Variants in SLC60A1 observed in about 807,000 individuals in gnomAD.
The protein encoded by SLC60A1 is major facilitator superfamily domain containing 4.
chr1:205,599,016 G>C, the SLC60A1 span: 5 of 1,344,962 alleles, frequency 3.7e-6, no homozygotes, highest in Non-Finnish European at 3.1e-6. Context: ...CTCTTGGTGT[G>C]ACGGGCCTCA....
chr1:205,592,350 G>A, the SLC60A1 span: 2 of 1,479,812 alleles, frequency 1.4e-6, no homozygotes, highest in Non-Finnish European at 1.8e-6. Context: ...GCCTCGCTCT[G>A]CCCTGTCTCT....
chr1:205,585,960 C>T, the SLC60A1 span: 1 of 1,480,886 alleles, frequency 6.8e-7, no homozygotes, highest in African/African-American at 1.4e-5. The surrounding 1 kb of genome is among the most constrained non-coding windows in gnomAD (Gnocchi z 4.2). Flanking sequence ...ACCTGCCCAG[C>T]CTGGGCTCCC....
chr1:205,584,709 C>T, the SLC60A1 span, among the ~76,000 whole-genome samples: 1 of 152,064 alleles, frequency 6.6e-6, no homozygotes, highest in East Asian at 1.9e-4. Context: ...TCCACCAAGA[C>T]TGGGAGATGG....
At chr1:205,602,757 G>GTAT in the SLC60A1 span, 2 of 152,126 alleles carry the variant, frequency 1.3e-5, no homozygotes, top group Non-Finnish European at 2.9e-5. Flanking sequence ...AAAAGCAGTT[G>GTAT]TATTTTTCTT....
chr1:205,594,511 C>T, the SLC60A1 span, among the ~76,000 whole-genome samples: 2 of 152,070 alleles, frequency 1.3e-5, no homozygotes, highest in African/African-American at 4.8e-5. Context: ...CAAAAATTAG[C>T]TAGGCGTGGT....
At chr1:205,591,949 C>G in the SLC60A1 span, 1 of 669,802 alleles carries the variant, frequency 1.5e-6, no homozygotes, top group Non-Finnish European at 2.5e-6. Flanking sequence ...ACGCTTCCTT[C>G]CAGATGTCAG....
the SLC60A1 span, among the ~76,000 whole-genome samples, chr1:205,594,215 G>A: frequency 2.6e-5 from 4 of 152,198 alleles, no homozygotes; most frequent in Admixed American, 6.5e-5. Context: ...TCCCATGGGC[G>A]AGGGCCCAGG....
the SLC60A1 span, among the ~76,000 whole-genome samples, chr1:205,589,337 T>C: frequency 6.6e-6 from 1 of 151,804 alleles, no homozygotes; most frequent in Non-Finnish European, 1.5e-5. Context: ...GGGAGCACGG[T>C]AGGCAGGGTG....
At chr1:205,579,760 G>T in the SLC60A1 span, 1 of 1,614,088 alleles carries the variant, frequency 6.2e-7, no homozygotes, top group Non-Finnish European at 8.5e-7. Context: ...GCCTGGCCCA[G>T]TCACTATGGG....
the SLC60A1 span, among the ~76,000 whole-genome samples, chr1:205,580,307 C>T: frequency 2.0e-5 from 3 of 152,188 alleles, no homozygotes; most frequent in African/African-American, 7.2e-5. This position sits in a 1 kb window ranked among gnomAD's most constrained non-coding sequence, Gnocchi z 5.0. Context: ...GCCAGCCCTT[C>T]CCTTTTTGTG....
chr1:205,600,175 C>T, the SLC60A1 span: 2 of 478,620 alleles, frequency 4.2e-6, no homozygotes, highest in Non-Finnish European at 7.4e-6. Context: ...ACTTAATGGG[C>T]TCCTTATTCA....
At chr1:205,595,807 C>T in the SLC60A1 span, among the ~76,000 whole-genome samples, 1 of 152,200 alleles carries the variant, frequency 6.6e-6, no homozygotes. Context: ...TTAGTATTCA[C>T]CTGAGCATCC....
chr1:205,569,082 G>A, the SLC60A1 span: 1 of 1,490,374 alleles, frequency 6.7e-7, no homozygotes, highest in Non-Finnish European at 9.0e-7. Context: ...GGGCTGCGAC[G>A]GCCGCGTGTC....
chr1:205,600,386 G>GT, the SLC60A1 span: 1 of 1,613,222 alleles, frequency 6.2e-7, no homozygotes, highest in Non-Finnish European at 8.5e-7. Context: ...CATGCTACCT[G>GT]TTTTGTTTTT....
chr1:205,600,415 A>G, the SLC60A1 span: 1 of 1,614,180 alleles, frequency 6.2e-7, no homozygotes, highest in Admixed American at 1.7e-5. Context: ...GTTCCTACCC[A>G]AGACAGATCA....
chr1:205,591,550 G>A, the SLC60A1 span, among the ~76,000 whole-genome samples: 1 of 151,188 alleles, frequency 6.6e-6, no homozygotes, highest in African/African-American at 2.4e-5. Flanking sequence ...GTTAGCATCT[G>A]CCCATGGGAA....
the SLC60A1 span, chr1:205,602,239 A>G: frequency 2.9e-4 from 44 of 152,746 alleles, no homozygotes; most frequent in African/African-American, 1.0e-3. Context: ...AAGTGCTGTG[A>G]TTCACACGCC....
chr1:205,571,315 CAG>C, the SLC60A1 span, among the ~76,000 whole-genome samples: 1 of 152,216 alleles, frequency 6.6e-6, no homozygotes, highest in Non-Finnish European at 1.5e-5. Context: ...GTCTCTAAGA[CAG>C]ATACTTAGGC....
chr1:205,584,183 CCT>C, the SLC60A1 span: 7 of 1,537,238 alleles, frequency 4.6e-6, no homozygotes, highest in East Asian at 1.6e-4. Context: ...CTTGGTAACC[CCT>C]CTCCCAGAGA....
Sources: allele counts gnomAD v4.1 joint callset (sites outside exome capture counted in the v4.1 genomes callset), GRCh38; gene constraint gnomAD v4.1.1; non-coding constraint Gnocchi (gnomAD v3.1); transcripts MANE v1.5; gene names NCBI Gene and HGNC (gene_info 2026-07-23, HGNC 2026-07-21).